Variants in WWTR1 observed in about 807,000 individuals in gnomAD.
WWTR1 encodes WW domain containing transcription regulator 1, also known as WW domain-containing transcription regulator protein 1.
WWTR1 carries 13 observed loss-of-function variants against 40.1 expected under a neutral mutation model. That is an observed-to-expected ratio of 0.32 (90% CI 0.21 to 0.52). WWTR1 has a LOEUF of 0.52. Ranked by LOEUF, WWTR1 falls within the 20% of genes least tolerant of loss-of-function variation. WWTR1 has a pLI of 0.97. For missense variants in WWTR1, 436 were observed against 523.1 expected (o/e 0.83, Z 1.63); for synonymous variants, 230 against 210.1 (o/e 1.09, Z -0.82).
At chr3:149,554,582 A>G (rs1483823939) in intron 3 of WWTR1, among the ~76,000 whole-genome samples, 1 of 151,996 alleles carries the variant, frequency 6.6e-6, no homozygotes, top group Non-Finnish European at 1.5e-5. Flanking sequence ...CCAAATGTAT[A>G]TTTTATTGGC....
chr3:149,572,646 G>T (rs928755976), intron 3 of WWTR1, among the ~76,000 whole-genome samples: 1 of 151,844 alleles, frequency 6.6e-6, no homozygotes, highest in African/African-American at 2.4e-5. Flanking sequence ...TATGAGCCCC[G>T]CCACCCCTTG....
intron 2 of WWTR1, among the ~76,000 whole-genome samples, chr3:149,663,243 G>A (rs1450117901): frequency 6.6e-6 from 1 of 151,786 alleles, no homozygotes; most frequent in African/African-American, 2.4e-5. Flanking sequence ...TGTTGGCCAG[G>A]CTGATCTCAG....
intron 4 of WWTR1, among the ~76,000 whole-genome samples, chr3:149,529,269 C>T (rs1035914992): frequency 1.3e-5 from 2 of 152,150 alleles, no homozygotes; most frequent in Non-Finnish European, 2.9e-5. Flanking sequence ...ACAGTATCTT[C>T]GTTAGATCTC....
chr3:149,524,374 G>A (rs941432267), intron 6 of WWTR1, among the ~76,000 whole-genome samples: 1 of 128,218 alleles, frequency 7.8e-6, no homozygotes, highest in Non-Finnish European at 1.6e-5. Flanking sequence ...TAGATCTCCT[G>A]AGCTTTTTTC....
chr3:149,681,838 A>G (rs1375005157), intron 1 of WWTR1, among the ~76,000 whole-genome samples: 1 of 152,220 alleles, frequency 6.6e-6, no homozygotes, highest in African/African-American at 2.4e-5. Flanking sequence ...CAAATATTGC[A>G]TGATTCCACT....
chr3:149,528,598 C>G (rs1735436560), intron 4 of WWTR1, among the ~76,000 whole-genome samples: 1 of 152,032 alleles, frequency 6.6e-6, no homozygotes, highest in African/African-American at 2.4e-5. Context: ...TCGAGACCAG[C>G]CTGCAACATG....
chr3:149,550,750 G>GAT (rs1736581931), intron 3 of WWTR1, among the ~76,000 whole-genome samples: 1 of 109,560 alleles, frequency 9.1e-6, no homozygotes, highest in African/African-American at 3.8e-5. Flanking sequence ...GGAAAAGCAA[G>GAT]GGTTATAAAA....
At chr3:149,539,114 G>T (rs1265041891) in intron 4 of WWTR1, among the ~76,000 whole-genome samples, 1 of 152,116 alleles carries the variant, frequency 6.6e-6, no homozygotes, top group Non-Finnish European at 1.5e-5. Context: ...TGGCATTGTG[G>T]TATACATCAA....
intron 4 of WWTR1, among the ~76,000 whole-genome samples, chr3:149,541,581 C>A (rs1205954183): frequency 6.6e-6 from 1 of 151,914 alleles, no homozygotes; most frequent in East Asian, 1.9e-4. Flanking sequence ...GAGGAACATC[C>A]ACTCCACTAT....
chr3:149,577,448 G>A (rs982059139), intron 2 of WWTR1, among the ~76,000 whole-genome samples: 5 of 152,104 alleles, frequency 3.3e-5, no homozygotes, highest in African/African-American at 1.2e-4. Context: ...GCGGGAGTGG[G>A]CTTTTTCCCC....
At chr3:149,658,835 C>G (rs976338156), upstream of WWTR1, 32 of 152,528 alleles carry the variant, frequency 2.1e-4, no homozygotes, top group African/African-American at 7.5e-4. Context: ...ATTGCACCCC[C>G]CTCCCCCGCA....
chr3:149,672,812 C>G (rs574091252), intron 1 of WWTR1, among the ~76,000 whole-genome samples: 75 of 142,228 alleles, frequency 5.3e-4, no homozygotes, highest in African/African-American at 2.0e-3. Flanking sequence ...GAAATAGGGT[C>G]TCACTTGGTC....
chr3:149,717,584 A>C (rs1715644507), intron 4 of WWTR1: 1 of 152,234 alleles, frequency 6.6e-6, no homozygotes, highest in African/African-American at 2.4e-5. Context: ...GGAGGGAAAA[A>C]GGATTTGTGT....
chr3:149,647,264 C>T (rs1712584099), intron 2 of WWTR1, among the ~76,000 whole-genome samples: 1 of 152,014 alleles, frequency 6.6e-6, no homozygotes, highest in Admixed American at 6.5e-5. Context: ...ATTTTAGGTT[C>T]TTGGTATTTA....
At chr3:149,655,660 G>A (rs13321954) in intron 2 of WWTR1, among the ~76,000 whole-genome samples, 67,754 of 151,858 alleles carry the variant, frequency 0.45, 15,170 homozygotes, top group East Asian at 0.57. Context: ...GAACTCCTTG[G>A]ACAAGATATC....
chr3:149,670,086 G>A (rs1714008553), intron 1 of WWTR1, among the ~76,000 whole-genome samples: 1 of 152,220 alleles, frequency 6.6e-6, no homozygotes, highest in Non-Finnish European at 1.5e-5. Context: ...CAATGGCTCA[G>A]CTCTAGCACC....
At chr3:149,576,975 T>A (rs1737913604) in intron 2 of WWTR1, among the ~76,000 whole-genome samples, 1 of 152,176 alleles carries the variant, frequency 6.6e-6, no homozygotes, top group Non-Finnish European at 1.5e-5. Flanking sequence ...CTGACCAACA[T>A]GGAGAAGCCC....
chr3:149,555,004 A>T (rs1168089735), intron 3 of WWTR1, among the ~76,000 whole-genome samples: 2 of 152,250 alleles, frequency 1.3e-5, no homozygotes, highest in Non-Finnish European at 2.9e-5. Context: ...ACTTTTATCC[A>T]GCAGGAAATG....
chr3:149,626,642 CT>C (rs1334572732), intron 2 of WWTR1, among the ~76,000 whole-genome samples: 2 of 151,952 alleles, frequency 1.3e-5, no homozygotes, highest in Admixed American at 6.6e-5. Context: ...AATTCTACTC[CT>C]TTTTTTCCAT....
Sources: gnomAD v4.1 joint callset for allele counts (sites outside exome capture counted in the v4.1 genomes callset) on GRCh38, gnomAD v4.1.1 for gene constraint, MANE v1.5 for transcripts, NCBI Gene and HGNC (gene_info 2026-07-23, HGNC 2026-07-21) for gene names.